The following PHC3 variants were observed in gnomAD, a reference collection of about 807,000 sequenced individuals.
The protein encoded by PHC3 is polyhomeotic homolog 3, also known as polyhomeotic-like protein 3.
PHC3 carries 13 observed loss-of-function variants against 107.4 expected under a neutral mutation model. The ratio of observed to expected loss-of-function variants is 0.12; its 90% CI spans 0.08 to 0.19. PHC3 has a LOEUF of 0.19. PHC3 is among the 10% of genes least tolerant of loss of function. The pLI, the probability that PHC3 is intolerant of heterozygous loss-of-function variation, is 1.00. For synonymous variants in PHC3, 456 were observed against 427.4 expected, an observed-to-expected ratio of 1.07 and a Z score of -0.83; for missense variants, 992 against 1,210.9, an observed-to-expected ratio of 0.82 and a Z score of 2.68.
At chr3:170,122,515 G>T in intron 9 of PHC3, 76 bp downstream of exon 9, 3 of 1,484,780 alleles carry the variant, frequency 2.0e-6, no homozygotes, top group Non-Finnish European at 2.8e-6. Context: ...AAGGAGGAAA[G>T]GGAAAAAAAT....
At chr3:170,178,140 ATTT>A (rs1205857388) in intron 2 of PHC3, among the ~76,000 whole-genome samples, 12 of 137,576 alleles carry the variant, frequency 8.7e-5, no homozygotes, top group African/African-American at 1.9e-4. Context: ...CTAAAGGAAA[ATTT>A]TTTTTTTTTT....
rs1282165565 is a variant in PHC3, at chr3:170,094,653, G to T, written c.*2577C>A. The T allele has an allele frequency of 6.6e-5, 10 of 152,096 alleles. No individual in the cohort carries two copies. Among genetic ancestry groups the T allele is most frequent in the Non-Finnish European group, 1.2e-4 (8 of 67,996 alleles). 9.4% of individuals were successfully genotyped at this position (152,096 alleles called of 1,614,324 possible). ...GAAATTAAGATGATTAACTCATCTT[G>T]AAAGAAACAGCTGCACCAATGTGAT... On this transcript the variant is annotated 3_prime_UTR_variant, in exon 15 of 15. Transcript: ENST00000495893.
chr3:170,119,455 T>C (rs752054259), intron 9 of PHC3, among the ~76,000 whole-genome samples: 1 of 152,236 alleles, frequency 6.6e-6, no homozygotes, highest in Non-Finnish European at 1.5e-5. Flanking sequence ...GCCAAACTTA[T>C]AGTCCTAAAT....
chr3:170,159,177 G>A (rs1023350996), intron 4 of PHC3, among the ~76,000 whole-genome samples: 2 of 150,810 alleles, frequency 1.3e-5, no homozygotes, highest in African/African-American at 4.9e-5. Context: ...GCGTGAACCT[G>A]GGAGGCGGAG....
At position 170,096,017 on chromosome 3, in the gene PHC3, A is replaced by C. The variant is rs905494887; in HGVS notation, c.*1213T>G. On this transcript the variant is annotated 3_prime_UTR_variant, in exon 15 of 15. Transcript: ENST00000495893. ...CAAAGAGCAACCACGTATCTGCTAC[A>C]AACTATTTTCTTGCCAGAAAAGGCT... 1 of 152,206 alleles carries C rather than the reference A, an allele frequency of 6.6e-6. No individual in the cohort carries two copies. The highest frequency in any genetic ancestry group is 1.5e-5 in the Non-Finnish European group (1 of 68,030). 9.4% of individuals were successfully genotyped at this position (152,206 alleles called of 1,614,324 possible). A position where few individuals can be genotyped will look rare whatever the true frequency, so the allele number is the denominator to read the frequency against.
At chr3:170,154,501 T>C (rs956078224) in intron 4 of PHC3, among the ~76,000 whole-genome samples, 1 of 152,198 alleles carries the variant, frequency 6.6e-6, no homozygotes, top group African/African-American at 2.4e-5. Flanking sequence ...ATTTACACAT[T>C]CTCTAAAGAA....
chr3:170,144,864 C>A (rs2108560729), intron 6 of PHC3, among the ~76,000 whole-genome samples: 1 of 152,286 alleles, frequency 6.6e-6, no homozygotes, highest in South Asian at 2.1e-4. Flanking sequence ...CAGCACCACA[C>A]TTAAACAATT....
rs758416699 is a variant in PHC3, at chr3:170,136,679, A to G, written c.673-14T>C. 1 of 1,610,964 alleles carries G rather than the reference A, an allele frequency of 6.2e-7. No homozygotes were observed. ...TAAATTCTGAACCTAAGAACCACAT[A>G]ACAGAAAATTAGGATGAAAACAGAT... On this transcript the variant is annotated splice_polypyrimidine_tract_variant and intron_variant, in intron 6 of 14. Transcript: ENST00000495893.
At chr3:170,128,354 CTT>C (rs1229388925) in intron 8 of PHC3, 1 of 1,296,374 alleles carries the variant, frequency 7.7e-7, no homozygotes, top group Admixed American at 2.7e-5. Context: ...AGAGAAAAAA[CTT>C]TGTGCAGATG....
At chr3:170,123,069 A>C (rs924004619) in intron 8 of PHC3, among the ~76,000 whole-genome samples, 4 of 152,154 alleles carry the variant, frequency 2.6e-5, no homozygotes, top group African/African-American at 9.7e-5. Flanking sequence ...TGGGAATTCA[A>C]CTGTTTTTGT....
intron 6 of PHC3, 92 bp from the exon 7 acceptor site, chr3:170,136,757 T>G: frequency 7.5e-7 from 1 of 1,332,786 alleles, no homozygotes; most frequent in Non-Finnish European, 1.0e-6. Flanking sequence ...GACAACACAT[T>G]TATATTATGC....
chr3:170,149,311 C>T (rs1725516624), intron 4 of PHC3, 67 bp from the exon 5 acceptor site: 10 of 1,473,384 alleles, frequency 6.8e-6, no homozygotes, highest in Admixed American at 2.2e-5. Context: ...AATTTCACAC[C>T]GAGCTGCAGT....
intron 2 of PHC3, among the ~76,000 whole-genome samples, chr3:170,177,555 C>T (rs903852981): frequency 6.6e-6 from 1 of 151,866 alleles, no homozygotes; most frequent in East Asian, 1.9e-4. Flanking sequence ...TTAGTAGAGA[C>T]GGGGTTTCAC....
At chr3:170,181,214 C>A (rs912381974) in intron 1 of PHC3, among the ~76,000 whole-genome samples, 2 of 152,196 alleles carry the variant, frequency 1.3e-5, no homozygotes, top group Non-Finnish European at 2.9e-5. Context: ...CGGGCAGCCC[C>A]GCGTGTCGGA....
intron 2 of PHC3, among the ~76,000 whole-genome samples, chr3:170,178,122 T>C (rs1730790333): frequency 6.6e-6 from 1 of 151,854 alleles, no homozygotes; most frequent in African/African-American, 2.4e-5. Context: ...TCCGCCCACA[T>C]GAATAGACTA....
At chr3:170,160,661 G>A (rs1434243230) in intron 4 of PHC3, among the ~76,000 whole-genome samples, 16 of 152,206 alleles carry the variant, frequency 1.1e-4, no homozygotes, top group African/African-American at 2.9e-4. Context: ...AGCACTTTGG[G>A]AGGCCAAAAC....
At chr3:170,126,004 T>C in intron 8 of PHC3, 3 of 974,924 alleles carry the variant, frequency 3.1e-6, no homozygotes, top group Non-Finnish European at 3.7e-6. Flanking sequence ...CTTTCCTAAA[T>C]AAACTGAGGA....
intron 7 of PHC3, among the ~76,000 whole-genome samples, chr3:170,134,479 C>A (rs939659971): frequency 6.6e-6 from 1 of 151,988 alleles, no homozygotes; most frequent in Non-Finnish European, 1.5e-5. Flanking sequence ...TGTGAGCTAC[C>A]GCGCCCAGCT....
At chr3:170,163,908 T>C (rs1728322977) in intron 4 of PHC3, among the ~76,000 whole-genome samples, 1 of 122,156 alleles carries the variant, frequency 8.2e-6, no homozygotes, top group South Asian at 2.6e-4. Context: ...AGTAATAATA[T>C]AGGAAAGCAG....
Sources: allele counts gnomAD v4.1 joint callset (sites outside exome capture counted in the v4.1 genomes callset), GRCh38; gene constraint gnomAD v4.1.1; transcripts MANE v1.5; gene names NCBI Gene and HGNC (gene_info 2026-07-23, HGNC 2026-07-21).